Variants in LHFPL3 observed in about 807,000 individuals in gnomAD.
LHFPL3 encodes the protein LHFPL tetraspan subfamily member 3.
Under a neutral mutation model 19.3 loss-of-function variants are expected in LHFPL3, and 5 were observed. The ratio of observed to expected loss-of-function variants is 0.26; its 90% CI spans 0.14 to 0.54. LHFPL3 has a LOEUF of 0.54. LHFPL3 is among the 20% of genes least tolerant of loss of function. The pLI, the probability that LHFPL3 is intolerant of heterozygous loss-of-function variation, is 0.94. For missense variants in LHFPL3, 249 were observed against 307.4 expected (o/e 0.81, Z 1.42); for synonymous variants, 133 against 126.2 (o/e 1.05, Z -0.36).
chr7:104,485,341 G>C (rs1793218308), intron 1 of LHFPL3, among the ~76,000 whole-genome samples: 1 of 151,950 alleles, frequency 6.6e-6, no homozygotes, highest in Non-Finnish European at 1.5e-5. Flanking sequence ...CTGGTATGAT[G>C]AATTATATTA....
intron 1 of LHFPL3, among the ~76,000 whole-genome samples, chr7:104,658,690 T>C (rs898378054): frequency 2.0e-5 from 3 of 152,204 alleles, no homozygotes; most frequent in African/African-American, 7.2e-5. Context: ...CCCTGGAGGC[T>C]GAGGCAGGAG....
At chr7:104,329,532 G>T (rs1801531458) in intron 1 of LHFPL3, among the ~76,000 whole-genome samples, 4 of 152,266 alleles carry the variant, frequency 2.6e-5, no homozygotes, top group African/African-American at 9.6e-5. Flanking sequence ...AGGATGGTGG[G>T]TGGAGAAGTG....
chr7:104,716,994 A>G (rs991221198), intron 1 of LHFPL3, among the ~76,000 whole-genome samples: 2 of 152,228 alleles, frequency 1.3e-5, no homozygotes, highest in Admixed American at 1.3e-4. Context: ...AGTGGAATAG[A>G]ATAGAGATCC....
chr7:104,395,375 A>G (rs900282463), intron 1 of LHFPL3, among the ~76,000 whole-genome samples: 1 of 152,154 alleles, frequency 6.6e-6, no homozygotes, highest in Non-Finnish European at 1.5e-5. Flanking sequence ...ACATTTCCCA[A>G]TTCTTTTAGT....
At chr7:104,798,952 T>C (rs1297618014) in intron 2 of LHFPL3, among the ~76,000 whole-genome samples, 1 of 152,222 alleles carries the variant, frequency 6.6e-6, no homozygotes, top group Non-Finnish European at 1.5e-5. Context: ...TGAGGAGGAC[T>C]TGGAGAGTGT....
At chr7:104,689,102 G>T (rs756699784) in intron 1 of LHFPL3, among the ~76,000 whole-genome samples, 6 of 152,208 alleles carry the variant, frequency 3.9e-5, no homozygotes, top group Non-Finnish European at 8.8e-5. Context: ...TTGTGAAATA[G>T]ATTTGTGAGG....
intron 1 of LHFPL3, among the ~76,000 whole-genome samples, chr7:104,344,375 T>G (rs373065176): frequency 6.6e-6 from 1 of 152,176 alleles, no homozygotes; most frequent in Non-Finnish European, 1.5e-5. Context: ...GTTGTATACA[T>G]TGTGCTCAAT....
chr7:104,570,444 T>C (rs2115985627), intron 1 of LHFPL3, among the ~76,000 whole-genome samples: 1 of 152,330 alleles, frequency 6.6e-6, no homozygotes, highest in East Asian at 1.9e-4. Flanking sequence ...CTACTAACCA[T>C]AGATAGACCT....
chr7:104,884,621 T>C (rs1238154196), intron 2 of LHFPL3, among the ~76,000 whole-genome samples: 1 of 152,140 alleles, frequency 6.6e-6, no homozygotes, highest in Non-Finnish European at 1.5e-5. Flanking sequence ...AGGAGGGAAA[T>C]TGGCTGATTA....
At chr7:104,460,397 C>T (rs879021287) in intron 1 of LHFPL3, among the ~76,000 whole-genome samples, 2 of 152,106 alleles carry the variant, frequency 1.3e-5, no homozygotes, top group African/African-American at 2.4e-5. Flanking sequence ...AGTAGTAGTT[C>T]TATTTTTGGC....
intron 1 of LHFPL3, among the ~76,000 whole-genome samples, chr7:104,527,675 T>A (rs1584381858): frequency 1.3e-5 from 2 of 152,086 alleles, no homozygotes; most frequent in Non-Finnish European, 2.9e-5. Flanking sequence ...GGAAGCTGGA[T>A]AGCAGAGGAG....
chr7:104,801,812 C>T (rs370290967), intron 2 of LHFPL3, among the ~76,000 whole-genome samples: 15 of 152,178 alleles, frequency 9.9e-5, no homozygotes, highest in South Asian at 2.1e-4. Context: ...CCTCATGATC[C>T]GCCCACTTCA....
chr7:104,824,778 T>C (rs1461489146), intron 2 of LHFPL3, among the ~76,000 whole-genome samples: 1 of 117,430 alleles, frequency 8.5e-6, no homozygotes, highest in Admixed American at 1.2e-4. Flanking sequence ...TTATATATTA[T>C]ATATTTCAAA....
At chr7:104,811,338 G>A (rs1395112505) in intron 2 of LHFPL3, among the ~76,000 whole-genome samples, 1 of 152,030 alleles carries the variant, frequency 6.6e-6, no homozygotes, top group Non-Finnish European at 1.5e-5. Flanking sequence ...GGAACTACAG[G>A]TCCTCACCAC....
chr7:104,548,370 T>C (rs1247490082), intron 1 of LHFPL3, among the ~76,000 whole-genome samples: 1 of 152,122 alleles, frequency 6.6e-6, no homozygotes, highest in Non-Finnish European at 1.5e-5. Flanking sequence ...CATCCTAAAT[T>C]GATTTTTAAA....
intron 2 of LHFPL3, among the ~76,000 whole-genome samples, chr7:104,859,678 A>G (rs556307693): frequency 6.6e-6 from 1 of 152,314 alleles, no homozygotes; most frequent in South Asian, 2.1e-4. Context: ...CAAAATAAAT[A>G]AATAAATAAA....
At chr7:104,603,102 C>CTTTG (rs1791009289) in intron 1 of LHFPL3, among the ~76,000 whole-genome samples, 1 of 135,760 alleles carries the variant, frequency 7.4e-6, no homozygotes, top group Non-Finnish European at 1.6e-5. Context: ...TTCTTTCTTT[C>CTTTG]TTTCTTTCTT....
rs1790991001 is a variant in LHFPL3, at chr7:104,602,571, G to A, written c.446-134104G>A. On this transcript the variant is annotated intron_variant, in intron 1 of 2. Transcript: ENST00000424859. ...CTATTCAATATTGATTACAGAGGAA[G>A]GCTAAGTGGTAAAGTTCCCATAATT... Among the ~76,000 whole-genome samples, 4 of 152,168 alleles carry A rather than the reference G, an allele frequency of 2.6e-5. No individual in the cohort carries two copies. In the South Asian group the frequency reaches 8.3e-4, roughly 32 times the overall value.
intron 1 of LHFPL3, among the ~76,000 whole-genome samples, chr7:104,397,547 C>T (rs76127677): frequency 6.6e-6 from 1 of 152,140 alleles, no homozygotes; most frequent in Non-Finnish European, 1.5e-5. Context: ...ACTTCATATA[C>T]TTTACCCCTA....
Sources: gnomAD v4.1 joint callset for allele counts (sites outside exome capture counted in the v4.1 genomes callset) on GRCh38, gnomAD v4.1.1 for gene constraint, MANE v1.5 for transcripts, NCBI Gene and HGNC (gene_info 2026-07-23, HGNC 2026-07-21) for gene names.